The following HAUS1 variants were observed in gnomAD, a reference collection of about 807,000 sequenced individuals.
HAUS1 encodes the protein HAUS augmin like complex subunit 1.
A neutral mutation model predicts 38.6 loss-of-function variants in HAUS1; 25 were observed. That is an observed-to-expected ratio of 0.65 (90% CI 0.47 to 0.91). HAUS1 has a LOEUF of 0.91. Among genes scored for constraint, HAUS1 ranks in the 40% least tolerant of loss-of-function variants. The pLI is 0.00. For synonymous variants in HAUS1, 109 were observed against 112.9 expected (o/e 0.97, Z 0.22); for missense variants, 325 against 328.4 (o/e 0.99, Z 0.08).
At position 46,118,848 on chromosome 18, in the gene HAUS1, G is replaced by A. The variant is rs534168740; in HGVS notation, c.341+532G>A. ...GACTACCACTTTTGGCCATATCTTAGCTAGGACTACTAATATTTTGTTTTA... is the reference window on the plus strand; with the variant it reads ...GACTACCACTTTTGGCCATATCTTAACTAGGACTACTAATATTTTGTTTTA... On this transcript the variant is annotated intron_variant, in intron 3 of 8. Coordinates refer to ENST00000282058, the MANE Select transcript of HAUS1 (RefSeq NM_138443.4). Among the ~76,000 whole-genome samples the A allele has an allele frequency of 4.6e-5, 7 of 152,106 alleles. No individual in the cohort carries two copies. In the South Asian group the frequency reaches 1.4e-3, roughly 32 times the overall value.
chr18:46,105,785 T>C (rs951281301), intron 2 of HAUS1, among the ~76,000 whole-genome samples: 5 of 152,038 alleles, frequency 3.3e-5, no homozygotes, highest in African/African-American at 9.7e-5. Flanking sequence ...TTCACAATAT[T>C]GGCCAGGCTG....
intron 2 of HAUS1, among the ~76,000 whole-genome samples, chr18:46,117,255 A>G (rs1911819042): frequency 6.6e-6 from 1 of 152,232 alleles, no homozygotes; most frequent in Non-Finnish European, 1.5e-5. Context: ...AGCAGCATTT[A>G]TAATAGCCAA....
At chr18:46,122,613 A>T in intron 5 of HAUS1, 23 bp downstream of exon 5, 1 of 1,613,334 alleles carries the variant, frequency 6.2e-7, no homozygotes, top group Non-Finnish European at 8.5e-7. Flanking sequence ...GACCGAATAT[A>T]GTTAGCTCTC....
At chr18:46,111,912 G>A (rs1270688368) in intron 2 of HAUS1, among the ~76,000 whole-genome samples, 1 of 140,488 alleles carries the variant, frequency 7.1e-6, no homozygotes, top group Middle Eastern at 3.5e-3. Context: ...ATGAGATGGA[G>A]TCTTGCCCTG....
In HAUS1 at chr18:46,118,244, C is replaced by T; in HGVS notation, c.269C>T (p.Thr90Ile). 6 of 1,612,626 alleles carry T rather than the reference C, an allele frequency of 3.7e-6. No homozygotes were observed. The highest frequency in any genetic ancestry group is 4.2e-6 in the Non-Finnish European group (5 of 1,179,872). Reference protein sequence around the residue: ...VNFSPANLSSTGSRYLNALVD... With the variant: ...VNFSPANLSSIGSRYLNALVD... ...TTTTCCCCCGCCAATCTCTCTAGCA[C>T]TGGTTCCAGGTATCTGAATGCTTTG... The change falls in exon 3 of 9, where the codon ACT becomes ATT. Residue 90 changes from threonine to isoleucine, a missense_variant. Physicochemically the swap from Thr to Ile is moderately conservative, Grantham distance 89 (BLOSUM62 -1). Transcript: ENST00000282058.
chr18:46,115,790 A>G (rs1446015715), intron 2 of HAUS1, among the ~76,000 whole-genome samples: 2 of 152,214 alleles, frequency 1.3e-5, no homozygotes, highest in African/African-American at 4.8e-5. Flanking sequence ...ATCAAAATTT[A>G]AAACTTTTGT....
intron 2 of HAUS1, among the ~76,000 whole-genome samples, chr18:46,113,052 T>TTATATATATAATATATATATTCCA (rs1911712899): frequency 7.4e-6 from 1 of 134,474 alleles, no homozygotes; most frequent in Non-Finnish European, 1.5e-5. Flanking sequence ...ATATTCCATA[T>TTATATATATAATATATATATTCCA]TATATATATA....
chr18:46,124,570 A>G lies in HAUS1; in HGVS notation c.667-252A>G, dbSNP rs368930747. Among the ~76,000 whole-genome samples, 18 of 152,172 alleles carry G rather than the reference A, an allele frequency of 1.2e-4. No individual in the cohort carries two copies. In the East Asian group the frequency reaches 2.7e-3, roughly 23 times the overall value. On this transcript the variant is annotated intron_variant, in intron 6 of 8. Coordinates refer to ENST00000282058, the MANE Select transcript of HAUS1 (RefSeq NM_138443.4). ...CACTGCACTCCAGCCTGGGCAACAC[A>G]GAAAGACTCCATCTCAAAAAAAAAT...
At chr18:46,122,678 T>A (rs1911977891) in intron 5 of HAUS1, 88 bp downstream of exon 5, 10 of 1,449,210 alleles carry the variant, frequency 6.9e-6, no homozygotes, top group Non-Finnish European at 9.6e-6. Flanking sequence ...ATTCCCTTTT[T>A]ACAGATGAGA....
intron 7 of HAUS1, 66 bp downstream of exon 7, chr18:46,124,959 C>A: frequency 2.2e-6 from 2 of 913,720 alleles, no homozygotes; most frequent in Non-Finnish European, 3.6e-6. Context: ...ACTATATGAC[C>A]ATGAAAATAG....
chr18:46,108,625 A>G (rs1422719867), intron 2 of HAUS1, among the ~76,000 whole-genome samples: 3 of 152,130 alleles, frequency 2.0e-5, no homozygotes, highest in Non-Finnish European at 4.4e-5. Flanking sequence ...GTTTTGTTGC[A>G]TTGTACCTAC....
chr18:46,108,208 T>A (rs1163471944), intron 2 of HAUS1, among the ~76,000 whole-genome samples: 1 of 151,880 alleles, frequency 6.6e-6, no homozygotes, highest in Non-Finnish European at 1.5e-5. Context: ...TCTTCACCAT[T>A]AAGTGTAATG....
intron 4 of HAUS1, among the ~76,000 whole-genome samples, chr18:46,120,936 G>A (rs1264867982): frequency 6.6e-6 from 1 of 152,150 alleles, no homozygotes; most frequent in East Asian, 1.9e-4. Context: ...TTTTCAAAAT[G>A]TATGTGATTT....
At position 46,105,550 on chromosome 18, in the gene HAUS1, ATGTGTGTGTG is replaced by A. The variant is rs34943742; in HGVS notation, c.205+216_205+225del. ...TTTATGTTTATATATATGTATATGT[ATGTGTGTGTG>A]TGTGTGTGTGTGTGTGTGTGTGTGT... On this transcript the variant is annotated intron_variant, in intron 2 of 8. Transcript: ENST00000282058. 5.3e-3 allele frequency: 1,424 copies of A among 270,486 alleles called. 8 individuals carry two copies. The highest frequency in any genetic ancestry group is 0.015 in the African/African-American group (564 of 36,872). 16.8% of individuals were successfully genotyped at this position (270,486 alleles called of 1,614,324 possible). A position where few individuals can be genotyped will look rare whatever the true frequency, so the allele number is the denominator to read the frequency against.
At chr18:46,121,336 C>G (rs1911937697) in intron 4 of HAUS1, among the ~76,000 whole-genome samples, 2 of 151,838 alleles carry the variant, frequency 1.3e-5, no homozygotes, top group African/African-American at 2.4e-5. Flanking sequence ...ATTACAGGCA[C>G]CTGCCACCAC....
chr18:46,118,443 C>G (rs2144258856), intron 3 of HAUS1, 127 bp downstream of exon 3: 1 of 792,674 alleles, frequency 1.3e-6, no homozygotes, highest in East Asian at 2.6e-5. Context: ...TTAGTTACTT[C>G]ATGTCTTTGC....
At chr18:46,113,868 ATCC>A (rs1410295085) in intron 2 of HAUS1, among the ~76,000 whole-genome samples, 2 of 152,176 alleles carry the variant, frequency 1.3e-5, no homozygotes, top group Non-Finnish European at 2.9e-5. Flanking sequence ...AAGTCTGTTT[ATCC>A]CCAACAGAGT....
intron 6 of HAUS1, among the ~76,000 whole-genome samples, chr18:46,123,965 T>C (rs1295912170): frequency 6.6e-6 from 1 of 152,130 alleles, no homozygotes; most frequent in Non-Finnish European, 1.5e-5. Flanking sequence ...GGTCTCAAAC[T>C]CCTGGGCTCA....
chr18:46,115,499 A>G (rs972056198), intron 2 of HAUS1, among the ~76,000 whole-genome samples: 297 of 148,956 alleles, frequency 2.0e-3, no homozygotes, highest in Non-Finnish European at 2.6e-3. Flanking sequence ...GTGGTGGTGC[A>G]CGCCTGTAGT....
Sources: gnomAD v4.1 joint callset for allele counts (sites outside exome capture counted in the v4.1 genomes callset) on GRCh38, gnomAD v4.1.1 for gene constraint, MANE v1.5 for transcripts, NCBI Gene and HGNC (gene_info 2026-07-23, HGNC 2026-07-21) for gene names.